The following KIR3DL2 variants were observed in gnomAD, a reference collection of about 807,000 sequenced individuals.
KIR3DL2 encodes killer cell immunoglobulin-like receptor 3DL2.
A neutral mutation model predicts 41.6 loss-of-function variants in KIR3DL2; 42 were observed. The ratio of observed to expected loss-of-function variants is 1.01; its 90% CI spans 0.79 to 1.31. The LOEUF (loss-of-function observed/expected upper bound fraction) is 1.31, where lower values mean the gene tolerates loss of function less well. Among genes scored for constraint, KIR3DL2 ranks in the 50% most tolerant of loss-of-function variants. The pLI, the probability that KIR3DL2 is intolerant of heterozygous loss-of-function variation, is 0.00. For synonymous variants in KIR3DL2, 230 were observed against 221.3 expected, an observed-to-expected ratio of 1.04 and a Z score of -0.35; for missense variants, 728 against 576.8, an observed-to-expected ratio of 1.26 and a Z score of -2.68.
At chr19:54,853,644 G>A (rs1451984382) in intron 3 of KIR3DL2, 103 bp from the exon 4 acceptor site, 9 of 1,333,038 alleles carry the variant, frequency 6.8e-6, no homozygotes, top group South Asian at 3.6e-5. Context: ...CAGAGAGGGA[G>A]GAGAGAGACA....
rs553210593 is a variant in KIR3DL2 at position 54,865,902 on chromosome 19, C to G, written c.1098C>G (p.Asn366Lys). The G allele has an allele frequency of 1.3e-6, 2 of 1,595,722 alleles. No individual in the cohort carries two copies. Among genetic ancestry groups the G allele is most frequent in the South Asian group, 2.2e-5 (2 of 90,430 alleles). ...LFFLLYRWCS[N>K]KKNAAVMDQE... ...TTCTCCTTTATCGCTGGTGCTCCAA[C>G]AAAAAGAGTAAGTCTCACGAAGCAG... Residue 366 changes from asparagine to lysine, a missense_variant, in exon 7 of 9, where the codon AAC becomes AAG. By Grantham distance (94) the Asn-to-Lys change is moderately conservative. Transcript: ENST00000326321.
rs953232954 is a variant in KIR3DL2, at chr19:54,863,916, C to T, written c.1001-1889C>T. On this transcript the variant is annotated intron_variant, in intron 6 of 8. Transcript: ENST00000326321. ...TTGCCGTTGCTTTTGGTGTTTTAGACATGAAGTCCTTGTCCATGCCTATGT... is the reference window on the plus strand; with the variant it reads ...TTGCCGTTGCTTTTGGTGTTTTAGATATGAAGTCCTTGTCCATGCCTATGT... Among the ~76,000 whole-genome samples the T allele has an allele frequency of 1.5e-4, 23 of 152,196 alleles. No homozygotes were observed. In the East Asian group the frequency reaches 2.3e-3, roughly 15 times the overall value.
In KIR3DL2 at chr19:54,853,866, G is replaced by T; in HGVS notation, c.475G>T (p.Gly159Trp). 1.2e-6 allele frequency: 2 copies of T among 1,613,234 alleles called. No homozygotes were observed. The highest frequency in any genetic ancestry group is 1.7e-5 in the Admixed American group (1 of 60,002). ...TGAGCACTTCTTTCTGCACAGAGAG[G>T]GGATCTCTGAGGACCCCTCACGCCT... ...MFEHFFLHRE[G>W]ISEDPSRLVG... The change falls in exon 4 of 9, where the codon GGG becomes TGG. Residue 159 changes from glycine to tryptophan, a missense_variant. Transcript: ENST00000326321.
chr19:54,855,702 T>C lies in KIR3DL2; in HGVS notation c.739T>C (p.Trp247Arg), dbSNP rs748512557. The C allele has an allele frequency of 6.8e-4, 1,095 of 1,610,002 alleles. 25 individuals are homozygous for C. The highest frequency in any genetic ancestry group is 5.8e-3 in the Middle Eastern group (35 of 6,056). Residue 247 changes from tryptophan to arginine, a missense_variant, in exon 5 of 9, where the codon TGG becomes CGG. Transcript: ENST00000326321. ...GENVTLSCSS[W>R]SSYDIYHLSR... ...GAACGTGACCTTGTCCTGTAGCTCC[T>C]GGAGCTCCTATGACATCTACCATCT...
At chr19:54,850,559 G>T (rs768085852) in intron 1 of KIR3DL2, 50 bp downstream of exon 1, 8 of 1,606,276 alleles carry the variant, frequency 5.0e-6, no homozygotes, top group African/African-American at 2.7e-5. Flanking sequence ...TGGAGATCTC[G>T]GCCTAGAGGT....
In KIR3DL2 at chr19:54,852,127, A is replaced by G. The variant is rs535904759; in HGVS notation, c.200A>G (p.His67Arg). 2 of 1,612,954 alleles carry G rather than the reference A, an allele frequency of 1.2e-6. No individual in the cohort carries two copies. Among genetic ancestry groups the G allele is most frequent in the South Asian group, 2.2e-5 (2 of 91,060 alleles). ...ATGCTGTACAAAGAAGACAGAAGCC[A>G]CGTTCCCATCTTCCACGGCAGAATA... is the stretch of plus-strand genomic sequence containing the variant. ...NFMLYKEDRSHVPIFHGRIFQ... is the reference protein window; with the variant it reads ...NFMLYKEDRSRVPIFHGRIFQ... Residue 67 changes from histidine (H) to arginine (R), a missense_variant, in exon 3 of 9, where the codon CAC becomes CGC. Transcript: ENST00000326321.
intron 7 of KIR3DL2, among the ~76,000 whole-genome samples, 177 bp from the exon 8 acceptor site, chr19:54,866,193 G>C (rs918154447): frequency 6.6e-6 from 1 of 151,976 alleles, no homozygotes; most frequent in Non-Finnish European, 1.5e-5. Flanking sequence ...GATGCCAATT[G>C]AGAGCACTTC....
intron 4 of KIR3DL2, among the ~76,000 whole-genome samples, chr19:54,854,396 A>T (rs2064563121): frequency 6.6e-6 from 1 of 151,848 alleles, no homozygotes; most frequent in East Asian, 1.9e-4. Flanking sequence ...TTGTCTCCAC[A>T]AAGTGCTTCT....
In KIR3DL2 at chr19:54,855,207, CAATT is replaced by C. The variant is rs1317618936; in HGVS notation, c.656-411_656-408del. Among the ~76,000 whole-genome samples, 259 of 150,810 alleles carry C rather than the reference CAATT, an allele frequency of 1.7e-3. 11 individuals are homozygous for C. Among genetic ancestry groups the C allele is most frequent in the African/African-American group, 4.9e-3 (199 of 40,760 alleles). The stretch of plus-strand genomic sequence containing the variant: ...GATGATTGATGGATAGACAGATAGA[CAATT>C]GATAGATAAATGATACATAGATATA... On this transcript the variant is annotated intron_variant, in intron 4 of 8. Coordinates refer to ENST00000326321, the MANE Select transcript of KIR3DL2 (RefSeq NM_006737.4).
chr19:54,858,949 A>T (rs370604737), intron 5 of KIR3DL2, 130 bp from the exon 6 acceptor site: 1 of 970,706 alleles, frequency 1.0e-6, no homozygotes, highest in African/African-American at 1.8e-5. Context: ...TTATGGAGAA[A>T]AGGATCCCAA....
intron 1 of KIR3DL2, 59 bp from the exon 2 acceptor site, chr19:54,851,161 G>C: frequency 6.3e-7 from 1 of 1,594,956 alleles, no homozygotes; most frequent in South Asian, 1.1e-5. Context: ...TGCAGTGGGG[G>C]CAGCAGGGTG....
At chr19:54,862,388 G>C (rs1428628285) in intron 6 of KIR3DL2, among the ~76,000 whole-genome samples, 1 of 152,088 alleles carries the variant, frequency 6.6e-6, no homozygotes, top group African/African-American at 2.4e-5. Context: ...CTAAACACCT[G>C]CTGTACTGCA....
chr19:54,862,810 T>C (rs1287657156), intron 6 of KIR3DL2, among the ~76,000 whole-genome samples: 2 of 148,242 alleles, frequency 1.3e-5, no homozygotes, highest in Non-Finnish European at 3.0e-5. Flanking sequence ...TTCTTTTTTT[T>C]TTTTTTTTTT....
chr19:54,855,421 G>A (rs1199176840), intron 4 of KIR3DL2, among the ~76,000 whole-genome samples, 198 bp from the exon 5 acceptor site: 2 of 151,294 alleles, frequency 1.3e-5, no homozygotes, highest in Non-Finnish European at 2.9e-5. Context: ...CATACCCAGG[G>A]GTGGGGAAGT....
At position 54,859,134 on chromosome 19, in the gene KIR3DL2, G is replaced by A; in HGVS notation, c.1000+5G>A. On this transcript the variant is annotated splice_donor_5th_base_variant and intron_variant, in intron 6 of 8. Transcript: ENST00000326321. The stretch of plus-strand genomic sequence containing the variant: ...CAGAACCAAGCTCCAAATCTGGTGA[G>A]TAAAGGACCCCTCTTATCTCTGCTT... 5 of 1,611,188 alleles carry A rather than the reference G, an allele frequency of 3.1e-6. No homozygotes were observed. Among genetic ancestry groups the A allele is most frequent in the Non-Finnish European group, 3.4e-6 (4 of 1,177,578 alleles).
In KIR3DL2 at chr19:54,858,095, G is replaced by C. The variant is rs373833021; in HGVS notation, c.950-984G>C. ...TTGCAAATATTTGCTCCTATTTTGTGGGTTGTCTCTTCACTTTGTTGGTTT... is the reference window on the plus strand; with the variant it reads ...TTGCAAATATTTGCTCCTATTTTGTCGGTTGTCTCTTCACTTTGTTGGTTT... On this transcript the variant is annotated intron_variant, in intron 5 of 8. Coordinates refer to ENST00000326321, the MANE Select transcript of KIR3DL2 (RefSeq NM_006737.4). Among the ~76,000 whole-genome samples, 97 of 150,828 alleles carry C rather than the reference G, an allele frequency of 6.4e-4. 4 individuals carry two copies. Among genetic ancestry groups the C allele is most frequent in the African/African-American group, 1.9e-3 (76 of 40,754 alleles).
Position 54,853,828 on chromosome 19 carries a change from C to T in KIR3DL2, c.437C>T (p.Ser146Leu). The stretch of plus-strand genomic sequence containing the variant: ...GAGACAGTCATCCTGCAATGTTGGT[C>T]AGATGTCATGTTTGAGCACTTCTTT... ...SGETVILQCWSDVMFEHFFLH... is the reference protein window; with the variant it reads ...SGETVILQCWLDVMFEHFFLH... The change falls in exon 4 of 9, where the codon TCA becomes TTA. Residue 146 changes from serine (S) to leucine (L), a missense_variant. Transcript: ENST00000326321. The T allele has an allele frequency of 6.2e-7, 1 of 1,613,066 alleles. No individual in the cohort carries two copies. The highest frequency in any genetic ancestry group is 1.3e-5 in the African/African-American group (1 of 74,624).
intron 1 of KIR3DL2, 35 bp from the exon 2 acceptor site, chr19:54,851,185 G>C: frequency 2.5e-6 from 4 of 1,609,690 alleles, no homozygotes; most frequent in Non-Finnish European, 3.4e-6. Context: ...TGGTTTGCCT[G>C]CAGTTGGATC....
In KIR3DL2 at chr19:54,851,601, G is replaced by A. The variant is rs570527912; in HGVS notation, c.70+346G>A. Among the ~76,000 whole-genome samples, 191 of 151,676 alleles carry A rather than the reference G, an allele frequency of 1.3e-3. 2 individuals carry two copies. The highest frequency in any genetic ancestry group is 0.012 in the South Asian group (58 of 4,816). ...CGTTTCCGTGACGGTAGGGGCTGCAGTGTGGCTGCGGTCTTTCTACCAGAA... is the reference window on the plus strand; with the variant it reads ...CGTTTCCGTGACGGTAGGGGCTGCAATGTGGCTGCGGTCTTTCTACCAGAA... On this transcript the variant is annotated intron_variant, in intron 2 of 8. Transcript: ENST00000326321.
Sources: allele counts gnomAD v4.1 joint callset (sites outside exome capture counted in the v4.1 genomes callset), GRCh38; gene constraint gnomAD v4.1.1; transcripts MANE v1.5; gene names NCBI Gene and HGNC (gene_info 2026-07-23, HGNC 2026-07-21).